DACT3: variants seen among roughly 807,000 people sequenced by gnomAD.
The protein encoded by DACT3 is dishevelled binding antagonist of beta catenin 3.
Under a neutral mutation model 19.6 loss-of-function variants are expected in DACT3, and 5 were observed. The ratio of observed to expected loss-of-function variants is 0.26; its 90% CI spans 0.13 to 0.54. The LOEUF (loss-of-function observed/expected upper bound fraction) is 0.54. Among genes scored for constraint, DACT3 ranks in the 20% least tolerant of loss-of-function variants. DACT3 has a pLI of 0.95. For synonymous variants in DACT3, 454 were observed against 428.1 expected (o/e 1.06, Z -0.75); for missense variants, 908 against 927.4 (o/e 0.98, Z 0.27).
chr19:46,656,682 G>T (rs995418829), intron 1 of DACT3, among the ~76,000 whole-genome samples: 3 of 152,156 alleles, frequency 2.0e-5, no homozygotes, highest in African/African-American at 7.2e-5. Flanking sequence ...TTAGATGAAA[G>T]AATGAATGTA....
Position 46,660,905 on chromosome 19 carries a change from C to A in DACT3, c.160G>T (p.Gly54Cys). Residue 54 changes from glycine (G) to cysteine (C), a missense_variant, in exon 1 of 4, where the codon GGC (glycine) becomes TGC (cysteine). By Grantham distance (159) the Gly-to-Cys change is radical. Transcript: ENST00000391916. The surrounding 1 kb of genome is among the most constrained non-coding windows in gnomAD (Gnocchi z 4.9). The stretch of plus-strand genomic sequence containing the variant: ...TCCTCCTCGTCCTCGGCCTCGGCGC[C>A]CCCCATTCCGGGCTGGGCCAGCCGC... Reference protein sequence around the residue: ...ALRLAQPGMGGAEAEDEEDAD... With the variant: ...ALRLAQPGMGCAEAEDEEDAD... 1.3e-6 allele frequency: 2 copies of A among 1,538,000 alleles called. No homozygotes were observed. Among genetic ancestry groups the A allele is most frequent in the Non-Finnish European group, 1.7e-6 (2 of 1,145,812 alleles).
In DACT3 at chr19:46,648,861, G is replaced by T; in HGVS notation, c.1511C>A (p.Pro504Gln). The T allele has an allele frequency of 5.6e-6, 8 of 1,425,918 alleles. No individual in the cohort carries two copies. Among genetic ancestry groups the T allele is most frequent in the East Asian group, 2.8e-5 (1 of 35,754 alleles). 88.3% of individuals were successfully genotyped at this position (1,425,918 alleles called of 1,614,324 possible). A position where few individuals can be genotyped will look rare whatever the true frequency, so the allele number is the denominator to read the frequency against. The change falls in exon 4 of 4, where the codon CCG (proline) becomes CAG (glutamine). Residue 504 changes from proline (P) to glutamine (Q), a missense_variant. Transcript: ENST00000391916. This position sits in a 1 kb window ranked among gnomAD's most constrained non-coding sequence, Gnocchi z 5.1. ...ACGACGCTGGGGAGCTGACGGGGAC[G>T]GGCCGGGGCCGGGAACACGCGCCGC... ...APAARVPGPG[P>Q]SPSAPQRRLL...
At chr19:46,650,596 T>G (rs943533628) in intron 3 of DACT3, 2 of 151,772 alleles carry the variant, frequency 1.3e-5, no homozygotes, top group Non-Finnish European at 2.9e-5. Context: ...TTTTTTATTT[T>G]TTGTAGGGAT....
chr19:46,660,825 C>T lies in DACT3; in HGVS notation c.240G>A (p.Glu80=). 2 of 1,511,134 alleles carry T rather than the reference C, an allele frequency of 1.3e-6. No homozygotes were observed. The highest frequency in any genetic ancestry group is 2.8e-5 in the African/African-American group (2 of 70,710). 93.6% of individuals were successfully genotyped at this position (1,511,134 alleles called of 1,614,324 possible). The change falls in exon 1 of 4, where the codon GAG becomes GAA. Residue 80 remains glutamate (E), a synonymous_variant. Coordinates refer to ENST00000391916, the MANE Select transcript of DACT3 (RefSeq NM_145056.3). This position sits in a 1 kb window ranked among gnomAD's most constrained non-coding sequence, Gnocchi z 4.9. ...ACAGGCAGCCCCTTACCAGCTGCTC[C>T]TCCAGGGCCGCTGCGGCCCGGCGCG... ...AAARRAAAAL[E]EQLEALPGLV... is the part of the protein sequence containing the mutation.
chr19:46,648,980 C>A lies in DACT3; in HGVS notation c.1392G>T (p.Thr464=), dbSNP rs1475136758. The change falls in exon 4 of 4, where the codon ACG becomes ACT. Residue 464 remains threonine (T), a synonymous_variant. Coordinates refer to ENST00000391916, the MANE Select transcript of DACT3 (RefSeq NM_145056.3). The surrounding 1 kb of genome is among the most constrained non-coding windows in gnomAD (Gnocchi z 5.1). ...AGGACCCTGCGGCCTGGGCCGCCAG[C>A]GTGGGCGCTGGGCCGCGGCGTGGCC... ...PPRPRRGPAP[T]LAAQAAGSCR... 8 of 1,287,050 alleles carry A rather than the reference C, an allele frequency of 6.2e-6. No homozygotes were observed. The highest frequency in any genetic ancestry group is 7.8e-6 in the Non-Finnish European group (8 of 1,019,942). The allele number at this position is 1,287,050 out of a possible 1,614,324, so 79.7% of individuals were successfully genotyped here.
Position 46,648,939 on chromosome 19 carries a change from G to A in DACT3, c.1433C>T (p.Ser478Phe). 1 of 1,342,894 alleles carries A rather than the reference G, an allele frequency of 7.4e-7. No individual in the cohort carries two copies. The highest frequency in any genetic ancestry group is 9.5e-7 in the Non-Finnish European group (1 of 1,052,202). 83.2% of individuals were successfully genotyped at this position (1,342,894 alleles called of 1,614,324 possible). ...QAAGSCRRWR[S>F]TAEIDAADGR... is the part of the protein sequence containing the mutation. ...ATCGGCAGCGTCGATCTCCGCAGTGGAGCGCCAGCGACGGCAGGACCCTGC... is the reference window on the plus strand; with the variant it reads ...ATCGGCAGCGTCGATCTCCGCAGTGAAGCGCCAGCGACGGCAGGACCCTGC... Residue 478 changes from serine (S) to phenylalanine (F), a missense_variant, in exon 4 of 4, where the codon TCC (serine) becomes TTC (phenylalanine). Physicochemically the swap from Ser to Phe is radical, Grantham distance 155 (BLOSUM62 -2). Coordinates refer to ENST00000391916, the MANE Select transcript of DACT3 (RefSeq NM_145056.3). The surrounding 1 kb of genome is among the most constrained non-coding windows in gnomAD (Gnocchi z 5.1).
In DACT3 at chr19:46,649,050, G is replaced by C; in HGVS notation, c.1322C>G (p.Pro441Arg). The C allele has an allele frequency of 7.8e-7, 1 of 1,282,468 alleles. No individual in the cohort carries two copies. Among genetic ancestry groups the C allele is most frequent in the Non-Finnish European group, 9.8e-7 (1 of 1,017,180 alleles). The allele number at this position is 1,282,468 out of a possible 1,614,324, so 79.4% of individuals were successfully genotyped here. The change falls in exon 4 of 4, where the codon CCC (proline) becomes CGC (arginine). Residue 441 changes from proline to arginine, a missense_variant. Pro to Arg is a moderately radical substitution (Grantham distance 103). Coordinates refer to ENST00000391916, the MANE Select transcript of DACT3 (RefSeq NM_145056.3). ...CCGCTCCGCCGTGGGGTACTTAGGG[G>C]GCCCCGAAGGGACCGCGGAGGCGCG... is the stretch of plus-strand genomic sequence containing the variant. ...LGRASAVPSG[P>R]PKYPTAEREE...
At chr19:46,652,482 T>C (rs1276984974) in intron 3 of DACT3, 178 bp downstream of exon 3, 13 of 744,652 alleles carry the variant, frequency 1.7e-5, no homozygotes, top group East Asian at 5.5e-5. Context: ...CCCAGCCATA[T>C]TTCATTTTAA....
intron 1 of DACT3, among the ~76,000 whole-genome samples, chr19:46,656,184 G>C (rs2053033379): frequency 6.6e-6 from 1 of 151,024 alleles, no homozygotes; most frequent in African/African-American, 2.4e-5. Flanking sequence ...CAAGCAGGTG[G>C]GATGACAAGC....
chr19:46,657,849 C>T (rs1398112699), intron 1 of DACT3, among the ~76,000 whole-genome samples: 1 of 151,932 alleles, frequency 6.6e-6, no homozygotes, highest in African/African-American at 2.4e-5. Flanking sequence ...GCCAGGAATT[C>T]AAGACCAGCC....
rs1234489217 is a variant in DACT3 at position 46,648,077 on chromosome 19, A to C, written c.*405T>G. On this transcript the variant is annotated 3_prime_UTR_variant, in exon 4 of 4. Coordinates refer to ENST00000391916, the MANE Select transcript of DACT3 (RefSeq NM_145056.3). This position sits in a 1 kb window ranked among gnomAD's most constrained non-coding sequence, Gnocchi z 5.1. The stretch of plus-strand genomic sequence containing the variant: ...GAGGGGGCCATAGCTGGGCAAGGAA[A>C]GGAGGAATGAGAGGGCTCATCAGGA... 5.2e-6 allele frequency: 1 copy of C among 193,904 alleles called. No homozygotes were observed. Among genetic ancestry groups the C allele is most frequent in the Non-Finnish European group, 1.1e-5 (1 of 93,336 alleles). 12.0% of individuals were successfully genotyped at this position (193,904 alleles called of 1,614,324 possible). A position where few individuals can be genotyped will look rare whatever the true frequency, so the allele number is the denominator to read the frequency against.
intron 1 of DACT3, chr19:46,659,062 GA>G (rs2053053756): frequency 1.0e-6 from 1 of 982,188 alleles, no homozygotes. Context: ...GGGGTGGGGG[GA>G]TAAGTCATAA....
intron 1 of DACT3, chr19:46,659,365 A>G (rs961600776): frequency 1.0e-6 from 1 of 960,912 alleles, no homozygotes; most frequent in African/African-American, 1.8e-5. Flanking sequence ...GTGAAGGGTG[A>G]AAAGGGGAGA....
rs1162205205 is a variant in DACT3 at position 46,649,003 on chromosome 19, G to A, written c.1369C>T (p.Pro457Ser). The change falls in exon 4 of 4, where the codon CCA becomes TCA. Residue 457 changes from proline to serine, a missense_variant. Transcript: ENST00000391916. ...AGCGTGGGCGCTGGGCCGCGGCGTG[G>A]CCGTGGAGGCCGAGGCTCTTCCCGC... ...AEREEPRPPR[P>S]RRGPAPTLAA... 7.9e-6 allele frequency: 10 copies of A among 1,267,390 alleles called. No homozygotes were observed. The highest frequency in any genetic ancestry group is 9.9e-6 in the Non-Finnish European group (10 of 1,008,468). 78.5% of individuals were successfully genotyped at this position (1,267,390 alleles called of 1,614,324 possible). A position where few individuals can be genotyped will look rare whatever the true frequency, so the allele number is the denominator to read the frequency against.
In DACT3 at chr19:46,660,868, T is replaced by G; in HGVS notation, c.197A>C (p.Asp66Ala). ...CCGGCGCGCCGCCGCCGCATCTTCA[T>G]CCTCATCGGCGTCCTCCTCGTCCTC... ...EAEDEEDADE[D>A]EDAAAARRAA... is the part of the protein sequence containing the mutation. The change falls in exon 1 of 4, where the codon GAT becomes GCT. Residue 66 changes from aspartate to alanine, a missense_variant. Physicochemically the swap from Asp to Ala is moderately radical, Grantham distance 126 (BLOSUM62 -2). Around this residue, in one of 2 missense-constraint regions of DACT3, gnomAD observed 252 missense variants for 325.6 expected, o/e 0.77. Coordinates refer to ENST00000391916, the MANE Select transcript of DACT3 (RefSeq NM_145056.3). This position sits in a 1 kb window ranked among gnomAD's most constrained non-coding sequence, Gnocchi z 4.9. 2 of 1,524,432 alleles carry G rather than the reference T, an allele frequency of 1.3e-6. No individual in the cohort carries two copies. Among genetic ancestry groups the G allele is most frequent in the Non-Finnish European group, 1.8e-6 (2 of 1,140,156 alleles). The allele number at this position is 1,524,432 out of a possible 1,614,324, so 94.4% of individuals were successfully genotyped here.
chr19:46,652,591 G>A, intron 3 of DACT3, 69 bp downstream of exon 3: 1 of 1,486,162 alleles, frequency 6.7e-7, no homozygotes, highest in East Asian at 2.5e-5. Flanking sequence ...CGATTCGGAA[G>A]TCTGTGCCCA....
At chr19:46,650,078 G>C (rs1008206506) in intron 3 of DACT3, 1 of 406,242 alleles carries the variant, frequency 2.5e-6, no homozygotes, top group African/African-American at 2.2e-5. Context: ...TGCGTGACTT[G>C]TCCTGCCTCT....
chr19:46,648,794 A>T lies in DACT3; in HGVS notation c.1578T>A (p.Ala526=). ...GCAGSDSECS[A]GRLGPLGRRG... is the part of the protein sequence containing the mutation. ...GGCGTCCCAGGGGCCCCAGGCGCCCAGCCGAGCACTCGGAGTCGCTGCCCG... is the reference window on the plus strand; with the variant it reads ...GGCGTCCCAGGGGCCCCAGGCGCCCTGCCGAGCACTCGGAGTCGCTGCCCG... Residue 526 remains alanine, a synonymous_variant, in exon 4 of 4, where the codon GCT becomes GCA. Coordinates refer to ENST00000391916, the MANE Select transcript of DACT3 (RefSeq NM_145056.3). This position sits in a 1 kb window ranked among gnomAD's most constrained non-coding sequence, Gnocchi z 5.1. 1 of 1,540,174 alleles carries T rather than the reference A, an allele frequency of 6.5e-7. No homozygotes were observed. Among genetic ancestry groups the T allele is most frequent in the South Asian group, 1.2e-5 (1 of 86,222 alleles).
intron 2 of DACT3, 56 bp from the exon 3 acceptor site, chr19:46,652,868 G>C (rs2052999420): frequency 6.5e-6 from 10 of 1,540,616 alleles, no homozygotes; most frequent in Non-Finnish European, 8.8e-6. Context: ...GAAAACCAGA[G>C]CTGGGGAAAG....
Sources: allele counts gnomAD v4.1 joint callset (sites outside exome capture counted in the v4.1 genomes callset), GRCh38; gene constraint gnomAD v4.1.1; regional missense constraint gnomAD v4.1.1; non-coding constraint Gnocchi (gnomAD v3.1); transcripts MANE v1.5; gene names NCBI Gene and HGNC (gene_info 2026-07-23, HGNC 2026-07-21).